ROBO2: variants seen among roughly 807,000 people sequenced by gnomAD.
ROBO2 encodes the protein roundabout guidance receptor 2.
A neutral mutation model predicts 160.8 loss-of-function variants in ROBO2; 53 were observed. The observed-to-expected ratio is 0.33, with a 90% CI of 0.26 to 0.41. The LOEUF (loss-of-function observed/expected upper bound fraction) is 0.41. Ranked by LOEUF, ROBO2 falls within the 10% of genes least tolerant of loss-of-function variation. The pLI, the probability that ROBO2 is intolerant of heterozygous loss-of-function variation, is 1.00. For missense variants in ROBO2, 1,577 were observed against 1,722.4 expected (o/e 0.92, Z 1.49); for synonymous variants, 664 against 611.7 (o/e 1.09, Z -1.26).
At chr3:76,839,863 A>C (rs1052892968) in intron 2 of ROBO2, among the ~76,000 whole-genome samples, 2 of 152,150 alleles carry the variant, frequency 1.3e-5, no homozygotes, top group African/African-American at 4.8e-5. Flanking sequence ...TGGTGTATTT[A>C]GGTTTTTTAT....
chr3:76,232,761 A>G (rs920951862), intron 2 of ROBO2, among the ~76,000 whole-genome samples: 7 of 152,160 alleles, frequency 4.6e-5, no homozygotes, highest in African/African-American at 1.7e-4. Context: ...TACTTCCTGT[A>G]AATCCTACAA....
At chr3:77,493,482 G>T in intron 5 of ROBO2, 100 bp downstream of exon 5, 1 of 1,322,264 alleles carries the variant, frequency 7.6e-7, no homozygotes, top group East Asian at 2.4e-5. Flanking sequence ...CCTATGTCTT[G>T]GGGTACTTTC....
At chr3:76,390,355 A>G (rs1203216312) in intron 2 of ROBO2, among the ~76,000 whole-genome samples, 1 of 152,136 alleles carries the variant, frequency 6.6e-6, no homozygotes, top group Non-Finnish European at 1.5e-5. Flanking sequence ...AACTATATAT[A>G]TAAACTATTC....
intron 2 of ROBO2, among the ~76,000 whole-genome samples, chr3:76,382,545 C>A (rs1302927149): frequency 6.6e-6 from 1 of 152,236 alleles, no homozygotes; most frequent in Admixed American, 6.5e-5. Flanking sequence ...CGAGATCGCG[C>A]CCCTGCACTC....
At chr3:76,330,312 G>A (rs1394036298) in intron 2 of ROBO2, among the ~76,000 whole-genome samples, 2 of 152,158 alleles carry the variant, frequency 1.3e-5, no homozygotes, top group Non-Finnish European at 2.9e-5. Context: ...TTTGATTTCA[G>A]AAGCCTAGTC....
chr3:76,965,476 A>G (rs116100713), intron 2 of ROBO2, among the ~76,000 whole-genome samples: 5,498 of 152,156 alleles, frequency 0.036, 345 homozygotes, highest in African/African-American at 0.13. Context: ...GCTGCCCCTG[A>G]CTAAACAGCA....
At chr3:76,965,808 T>G (rs1198275509) in intron 2 of ROBO2, among the ~76,000 whole-genome samples, 1 of 146,876 alleles carries the variant, frequency 6.8e-6, no homozygotes, top group Non-Finnish European at 1.5e-5. Flanking sequence ...TATATATATA[T>G]ATTTCTTTAA....
chr3:75,994,202 T>C (rs530930194), intron 2 of ROBO2, among the ~76,000 whole-genome samples: 2 of 152,300 alleles, frequency 1.3e-5, no homozygotes, highest in Non-Finnish European at 1.5e-5. Context: ...AGCAGCTTTT[T>C]CCTGAGATGG....
rs1460597817 is a variant in ROBO2, at chr3:77,597,316, T to TC, written c.2854+566_2854+567insC. On this transcript the variant is annotated intron_variant, in intron 19 of 25. Coordinates refer to ENST00000461745, the Ensembl canonical transcript of ROBO2. The stretch of plus-strand genomic sequence containing the variant: ...ATCCAAAAATAAATAAATAAATAAA[T>TC]AAATAAATAAAAAAGACAAAAAAGT... Among the ~76,000 whole-genome samples, 481 of 133,306 alleles carry TC rather than the reference T, an allele frequency of 3.6e-3. 6 individuals carry two copies. The highest frequency in any genetic ancestry group is 0.011 in the African/African-American group (402 of 37,426). The allele number at this position is 133,306 out of a possible 152,430, so 87.5% of individuals were successfully genotyped here.
chr3:77,146,269 T>A (rs751442903), intron 2 of ROBO2, among the ~76,000 whole-genome samples: 3 of 151,982 alleles, frequency 2.0e-5, no homozygotes, highest in Non-Finnish European at 4.4e-5. Context: ...TGAATTTAAA[T>A]AGACACAGGA....
At chr3:76,442,958 G>A (rs138490143) in intron 2 of ROBO2, among the ~76,000 whole-genome samples, 126 of 152,080 alleles carry the variant, frequency 8.3e-4, no homozygotes, top group African/African-American at 2.7e-3. Context: ...AAGATTAATC[G>A]AAGCTGGGTA....
At chr3:77,523,398 C>G (rs974561447) in intron 6 of ROBO2, among the ~76,000 whole-genome samples, 6 of 151,330 alleles carry the variant, frequency 4.0e-5, no homozygotes, top group Non-Finnish European at 8.9e-5. Flanking sequence ...GAGGAGCTCT[C>G]CAGCCTTGAG....
intron 2 of ROBO2, among the ~76,000 whole-genome samples, chr3:76,877,752 C>T (rs572393365): frequency 8.5e-5 from 13 of 152,240 alleles, no homozygotes; most frequent in East Asian, 7.7e-4. Flanking sequence ...ATACTGGAGG[C>T]GCATAGCTCA....
At chr3:76,219,466 A>G (rs1703805580) in intron 2 of ROBO2, among the ~76,000 whole-genome samples, 1 of 152,204 alleles carries the variant, frequency 6.6e-6, no homozygotes. Flanking sequence ...AATGAACTCA[A>G]ACAAATTTAC....
exon 26 of ROBO2, chr3:77,646,780 AGACT>A (rs1426155893): frequency 9.8e-5 from 15 of 152,444 alleles, no homozygotes; most frequent in African/African-American, 3.4e-4. Flanking sequence ...TTAAGTCTTA[AGACT>A]GAATATGCAT....
intron 2 of ROBO2, among the ~76,000 whole-genome samples, chr3:76,512,947 A>G (rs1354506788): frequency 6.6e-6 from 1 of 152,116 alleles, no homozygotes; most frequent in African/African-American, 2.4e-5. Context: ...AAAACAAAAC[A>G]CCGTCATCAT....
At chr3:77,380,594 A>G (rs1343606839) in intron 2 of ROBO2, among the ~76,000 whole-genome samples, 1 of 152,128 alleles carries the variant, frequency 6.6e-6, no homozygotes, top group Non-Finnish European at 1.5e-5. Flanking sequence ...TTTCTTATAC[A>G]ACATTTATTT....
intron 2 of ROBO2, among the ~76,000 whole-genome samples, chr3:76,966,449 A>G (rs1183939686): frequency 2.0e-5 from 3 of 152,208 alleles, no homozygotes; most frequent in Non-Finnish European, 4.4e-5. Flanking sequence ...TGGCAGAGCC[A>G]GAGTTTAATA....
At chr3:75,952,108 G>C (rs916829274) in intron 2 of ROBO2, among the ~76,000 whole-genome samples, 1 of 151,866 alleles carries the variant, frequency 6.6e-6, no homozygotes, top group African/African-American at 2.4e-5. Context: ...AAGTCCACTG[G>C]GTCCAGCAAT....
Sources: allele counts gnomAD v4.1 joint callset (sites outside exome capture counted in the v4.1 genomes callset), GRCh38; gene constraint gnomAD v4.1.1; transcripts MANE v1.5; gene names NCBI Gene and HGNC (gene_info 2026-07-23, HGNC 2026-07-21).